SPECC1: variants seen among roughly 807,000 people sequenced by gnomAD.
SPECC1 encodes cytospin-B.
A neutral mutation model predicts 104.1 loss-of-function variants in SPECC1; 62 were observed. The ratio of observed to expected loss-of-function variants is 0.60; its 90% CI spans 0.49 to 0.74. The LOEUF is 0.74. SPECC1 is among the 30% of genes least tolerant of loss of function. SPECC1 has a pLI of 0.00. For synonymous variants in SPECC1, 513 were observed against 501.6 expected (o/e 1.02, Z -0.30); for missense variants, 1,306 against 1,310.5 (o/e 1.00, Z 0.05).
intron 3 of SPECC1, among the ~76,000 whole-genome samples, chr17:20,122,279 C>T (rs1294286438): frequency 6.6e-6 from 1 of 152,200 alleles, no homozygotes; most frequent in Non-Finnish European, 1.5e-5. Flanking sequence ...AGTGATATGA[C>T]CCAACCTCAT....
chr17:20,209,650 G>A (rs143385677), intron 4 of SPECC1, among the ~76,000 whole-genome samples: 242 of 151,790 alleles, frequency 1.6e-3, no homozygotes, highest in African/African-American at 5.6e-3. Flanking sequence ...CGCTTAATCT[G>A]TAGTCACATG....
intron 1 of SPECC1, among the ~76,000 whole-genome samples, chr17:20,032,427 T>G (rs1453007521): frequency 2.6e-5 from 4 of 152,126 alleles, no homozygotes; most frequent in African/African-American, 9.7e-5. Flanking sequence ...TGTGCCACAT[T>G]TTGCTGAGAT....
chr17:20,256,680 G>A (rs574840163), intron 10 of SPECC1, among the ~76,000 whole-genome samples: 3 of 152,062 alleles, frequency 2.0e-5, no homozygotes, highest in East Asian at 1.9e-4. Context: ...AGACAGTCTC[G>A]AAAGATGTCT....
At chr17:20,161,801 T>TC (rs954077261) in intron 3 of SPECC1, among the ~76,000 whole-genome samples, 2 of 150,574 alleles carry the variant, frequency 1.3e-5, no homozygotes, top group African/African-American at 4.9e-5. Flanking sequence ...TTTCTTTCTT[T>TC]TTTTTTTTTT....
At position 20,038,403 on chromosome 17, in the gene SPECC1, CTTT is replaced by C. The variant is rs10718870; in HGVS notation, c.-22+28997_-22+28999del. Among the ~76,000 whole-genome samples, 35 of 99,332 alleles carry C rather than the reference CTTT, an allele frequency of 3.5e-4. No homozygotes were observed. The East Asian group carries it at 9.6e-3, about 27-fold the overall frequency. The allele number at this position is 99,332 out of a possible 152,430, so 65.2% of individuals were successfully genotyped here. A position where few individuals can be genotyped will look rare whatever the true frequency, so the allele number is the denominator to read the frequency against. On this transcript the variant is annotated intron_variant, in intron 1 of 14. Coordinates refer to ENST00000395527, the MANE Select transcript of SPECC1 (RefSeq NM_001243439.2). ...ACTATGTCCCACAAATTTTGATATT[CTTT>C]TTTTTTTTTTTTTTTTTGAGGCAGT...
At chr17:20,100,359 G>A (rs1359191790) in intron 2 of SPECC1, among the ~76,000 whole-genome samples, 1 of 152,204 alleles carries the variant, frequency 6.6e-6, no homozygotes. Context: ...TCAGAGAGCA[G>A]AAGAGAGAAA....
At chr17:20,237,284 TTTGTTGTTG>T (rs371945933) in intron 7 of SPECC1, 1 of 1,086,846 alleles carries the variant, frequency 9.2e-7, no homozygotes, top group Non-Finnish European at 1.1e-6. Context: ...TCTTTTGTTT[TTTGTTGTTG>T]TTGTTGTTGT....
At chr17:20,116,555 T>C (rs2048764182) in intron 3 of SPECC1, among the ~76,000 whole-genome samples, 1 of 152,192 alleles carries the variant, frequency 6.6e-6, no homozygotes. Flanking sequence ...AAGACATAAA[T>C]AAGTGAAAGC....
intron 3 of SPECC1, among the ~76,000 whole-genome samples, chr17:20,131,711 A>G (rs562573786): frequency 1.3e-4 from 19 of 144,668 alleles, no homozygotes; most frequent in Non-Finnish European, 2.5e-4. Flanking sequence ...GTGCAGTGGC[A>G]CAATTTCGGC....
At chr17:20,171,285 T>C (rs2034070079) in intron 3 of SPECC1, among the ~76,000 whole-genome samples, 1 of 152,192 alleles carries the variant, frequency 6.6e-6, no homozygotes, top group South Asian at 2.1e-4. Context: ...TGTTTCTGTG[T>C]TCCTCCTGCA....
At chr17:20,244,431 ACCT>A (rs919567324) in intron 7 of SPECC1, among the ~76,000 whole-genome samples, 2 of 152,068 alleles carry the variant, frequency 1.3e-5, no homozygotes, top group African/African-American at 4.8e-5. Flanking sequence ...TAAAAACCCA[ACCT>A]CCTACAATTT....
At chr17:20,135,674 A>G (rs2049878464) in intron 3 of SPECC1, among the ~76,000 whole-genome samples, 2 of 151,444 alleles carry the variant, frequency 1.3e-5, no homozygotes, top group African/African-American at 4.9e-5. Context: ...CTGGTCTTGA[A>G]CTCCTGGGCT....
At chr17:20,212,726 A>G (rs2037236915) in intron 4 of SPECC1, among the ~76,000 whole-genome samples, 1 of 152,226 alleles carries the variant, frequency 6.6e-6, no homozygotes, top group Non-Finnish European at 1.5e-5. Flanking sequence ...TTTAAACTAT[A>G]TGTAATTTTA....
intron 3 of SPECC1, among the ~76,000 whole-genome samples, chr17:20,162,978 A>G (rs187957451): frequency 4.1e-4 from 63 of 152,368 alleles, no homozygotes; most frequent in African/African-American, 1.5e-3. Context: ...CGGTGAGCCA[A>G]GATTGCACCA....
chr17:20,098,575 C>T (rs2047765579), intron 2 of SPECC1, among the ~76,000 whole-genome samples: 1 of 152,224 alleles, frequency 6.6e-6, no homozygotes. Flanking sequence ...TGTGGTCTCG[C>T]TCCTCTGTGC....
intron 3 of SPECC1, among the ~76,000 whole-genome samples, chr17:20,150,474 T>C (rs1350296301): frequency 6.6e-6 from 1 of 151,748 alleles, no homozygotes; most frequent in Non-Finnish European, 1.5e-5. Flanking sequence ...ATCCCGTCTC[T>C]ACTAAAAATA....
chr17:20,168,818 G>A lies in SPECC1; in HGVS notation c.284-35515G>A, dbSNP rs140859779. 9.2e-5 allele frequency among the ~76,000 whole-genome samples: 14 copies of A among 152,262 alleles called. No individual in the cohort carries two copies. In the East Asian group the frequency reaches 2.7e-3, roughly 29 times the overall value. ...CAGATATGTATGTGTATGCTTATAT[G>A]ATGTAGATGTATATGTAACAGTAGT... On this transcript the variant is annotated intron_variant, in intron 3 of 14. Coordinates refer to ENST00000395527, the MANE Select transcript of SPECC1 (RefSeq NM_001243439.2).
intron 2 of SPECC1, among the ~76,000 whole-genome samples, chr17:20,100,088 ATTG>A (rs1316273612): frequency 6.6e-6 from 1 of 152,104 alleles, no homozygotes; most frequent in Non-Finnish European, 1.5e-5. Context: ...TTATTGTTGT[ATTG>A]TTAATTTTTA....
chr17:20,048,394 A>C (rs942976160), intron 1 of SPECC1, among the ~76,000 whole-genome samples: 1 of 151,848 alleles, frequency 6.6e-6, no homozygotes, highest in Non-Finnish European at 1.5e-5. Context: ...CGGCCTCCCA[A>C]AGTGCTGGGA....
Sources: gnomAD v4.1 joint callset for allele counts (sites outside exome capture counted in the v4.1 genomes callset) on GRCh38, gnomAD v4.1.1 for gene constraint, MANE v1.5 for transcripts, NCBI Gene and HGNC (gene_info 2026-07-23, HGNC 2026-07-21) for gene names.